POLK: variants seen among roughly 807,000 people sequenced by gnomAD.
The protein encoded by POLK is DNA polymerase kappa, also known as polymerase (DNA directed) kappa.
POLK carries 76 observed loss-of-function variants against 94.0 expected under a neutral mutation model. The observed-to-expected ratio is 0.81, with a 90% CI of 0.67 to 0.98. The LOEUF is 0.98. POLK is among the 50% of genes least tolerant of loss of function. POLK has a pLI of 0.00. For synonymous variants in POLK, 349 were observed against 325.4 expected (o/e 1.07, Z -0.78); for missense variants, 954 against 1,010.1 (o/e 0.94, Z 0.75).
chr5:75,523,416 G>C (rs1768681569), intron 1 of POLK, among the ~76,000 whole-genome samples: 1 of 152,156 alleles, frequency 6.6e-6, no homozygotes. Flanking sequence ...AAGGACCAAA[G>C]TAAAGTCAAG....
At chr5:75,567,615 A>C (rs1463247450) in intron 3 of POLK, among the ~76,000 whole-genome samples, 2 of 152,170 alleles carry the variant, frequency 1.3e-5, no homozygotes, top group Non-Finnish European at 2.9e-5. Context: ...TTGTGAGAAA[A>C]TAATTTGAAA....
chr5:75,555,992 C>T (rs1770600954), intron 3 of POLK, among the ~76,000 whole-genome samples: 1 of 152,168 alleles, frequency 6.6e-6, no homozygotes. Flanking sequence ...TATGTGTAGA[C>T]ATAAGTTTTC....
intron 3 of POLK, among the ~76,000 whole-genome samples, chr5:75,567,134 G>A (rs2112746654): frequency 6.6e-6 from 1 of 152,270 alleles, no homozygotes; most frequent in Non-Finnish European, 1.5e-5. Flanking sequence ...AGAATAGCTT[G>A]CTGAAGACAT....
chr5:75,545,943 TC>T lies in POLK; in HGVS notation c.-13-1066del, dbSNP rs1408956961. Among the ~76,000 whole-genome samples the T allele has an allele frequency of 2.0e-5, 3 of 152,346 alleles. No homozygotes were observed. The South Asian group carries it at 6.2e-4, about 32-fold the overall frequency. ...CTATCTTTCAGGGCTGTTATGGCCC[TC>T]ACATGTAGTGCCGTAAGCATAGTAG... On this transcript the variant is annotated intron_variant, in intron 1 of 14. Transcript: ENST00000241436.
intron 1 of POLK, among the ~76,000 whole-genome samples, chr5:75,523,472 C>G (rs973664505): frequency 1.3e-5 from 2 of 152,146 alleles, no homozygotes; most frequent in African/African-American, 4.8e-5. Flanking sequence ...AGCCCTCAGG[C>G]AGATATGTGA....
At chr5:75,591,135 A>G (rs1249880606) in intron 11 of POLK, among the ~76,000 whole-genome samples, 2 of 152,210 alleles carry the variant, frequency 1.3e-5, no homozygotes, top group Non-Finnish European at 2.9e-5. Flanking sequence ...TCTGTGTTAC[A>G]TACCAGAATA....
chr5:75,511,639 T>G, upstream of POLK: 1 of 1,485,088 alleles, frequency 6.7e-7, no homozygotes, highest in Admixed American at 2.2e-5. Context: ...TACCCTCCCC[T>G]CCCCTGTCCT....
chr5:75,521,367 CT>C (rs1768577717), intron 1 of POLK, among the ~76,000 whole-genome samples: 1 of 151,908 alleles, frequency 6.6e-6, no homozygotes, highest in South Asian at 2.1e-4. Flanking sequence ...GCTTGATCCA[CT>C]ATGTTGTTGA....
chr5:75,560,460 G>T (rs528800245), intron 3 of POLK, among the ~76,000 whole-genome samples: 180 of 152,210 alleles, frequency 1.2e-3, no homozygotes, highest in Non-Finnish European at 2.3e-3. Flanking sequence ...TGTAACTAAT[G>T]AGTTGCAGTG....
chr5:75,595,687 T>C (rs1025274995), intron 12 of POLK, among the ~76,000 whole-genome samples: 6 of 152,214 alleles, frequency 3.9e-5, no homozygotes, highest in Non-Finnish European at 8.8e-5. Context: ...GCCCAGGATG[T>C]ATTCCAAGGG....
exon 13 of POLK, chr5:75,596,933 C>T (rs372667611): frequency 2.8e-5 from 45 of 1,613,258 alleles, no homozygotes; most frequent in Admixed American, 8.3e-5. Context: ...AATTCTTCTT[C>T]TACTGTTTCA....
At chr5:75,560,350 G>T (rs930396887) in intron 3 of POLK, among the ~76,000 whole-genome samples, 2 of 152,052 alleles carry the variant, frequency 1.3e-5, no homozygotes, top group Non-Finnish European at 1.5e-5. Context: ...CATTACATGG[G>T]TGTCTCTTTT....
At chr5:75,560,519 A>C (rs1218317417) in intron 3 of POLK, among the ~76,000 whole-genome samples, 1 of 152,090 alleles carries the variant, frequency 6.6e-6, no homozygotes, top group Non-Finnish European at 1.5e-5. Context: ...TCTTTAAAAA[A>C]ATTTGTTTTT....
At chr5:75,517,103 C>T (rs919662376) in intron 1 of POLK, among the ~76,000 whole-genome samples, 1 of 152,106 alleles carries the variant, frequency 6.6e-6, no homozygotes, top group African/African-American at 2.4e-5. Context: ...GTTCTTTTCC[C>T]CTAGGACTGC....
chr5:75,547,763 C>T (rs765562170), intron 2 of POLK, among the ~76,000 whole-genome samples: 4 of 152,092 alleles, frequency 2.6e-5, no homozygotes, highest in South Asian at 4.1e-4. Context: ...AATTACCCTC[C>T]ATGGTGTTTC....
chr5:75,531,752 A>G (rs1415753790), intron 1 of POLK, among the ~76,000 whole-genome samples: 3 of 152,104 alleles, frequency 2.0e-5, no homozygotes, highest in Non-Finnish European at 4.4e-5. Flanking sequence ...AGACTGTGTC[A>G]CTACACTCCA....
chr5:75,511,160 T>C (rs746754226), upstream of POLK: 2 of 1,611,554 alleles, frequency 1.2e-6, no homozygotes, highest in Non-Finnish European at 1.7e-6. Context: ...ACTCCGTCTC[T>C]GGATCCTCCT....
At chr5:75,539,253 G>A (rs1469420349) in intron 1 of POLK, among the ~76,000 whole-genome samples, 1 of 148,938 alleles carries the variant, frequency 6.7e-6, no homozygotes, top group Non-Finnish European at 1.5e-5. Flanking sequence ...ACTTCTTGCT[G>A]CTTTTTTTTT....
rs1016964770 is a variant in POLK at position 75,512,597 on chromosome 5, A to G, written c.-14+683A>G. 3 of 152,318 alleles carry G rather than the reference A, an allele frequency of 2.0e-5. No homozygotes were observed. The East Asian group carries it at 5.8e-4, about 29-fold the overall frequency. The allele number at this position is 152,318 out of a possible 1,614,324, so 9.4% of individuals were successfully genotyped here. A position where few individuals can be genotyped will look rare whatever the true frequency, so the allele number is the denominator to read the frequency against. ...GGCAATAGGAGGCTATTTTTGTTTT[A>G]AGACTAGGGTTGAATTAGCAGAAAG... On this transcript the variant is annotated intron_variant, in intron 1 of 14. Transcript: ENST00000241436.
Sources: allele counts gnomAD v4.1 joint callset (sites outside exome capture counted in the v4.1 genomes callset), GRCh38; gene constraint gnomAD v4.1.1; transcripts MANE v1.5; gene names NCBI Gene and HGNC (gene_info 2026-07-23, HGNC 2026-07-21).